Variants in NSFL1C observed in about 807,000 individuals in gnomAD.
NSFL1C encodes NSFL1 cofactor.
A neutral mutation model predicts 43.1 loss-of-function variants in NSFL1C; 14 were observed. That is an observed-to-expected ratio of 0.32 (90% CI 0.21 to 0.51). The LOEUF is 0.51. Among genes scored for constraint, NSFL1C ranks in the 20% least tolerant of loss-of-function variants. NSFL1C has a pLI of 0.98. For missense variants in NSFL1C, 406 were observed against 472.5 expected (o/e 0.86, Z 1.30); for synonymous variants, 171 against 183.5 (o/e 0.93, Z 0.55).
chr20:1,449,648 C>T (rs1272090472), intron 7 of NSFL1C, among the ~76,000 whole-genome samples: 7 of 152,070 alleles, frequency 4.6e-5, no homozygotes, highest in Non-Finnish European at 7.4e-5. Context: ...TTAGAGCAGA[C>T]GTCTATAAAT....
intron 4 of NSFL1C, 24 bp from the exon 5 acceptor site, chr20:1,454,329 AT>A: frequency 6.5e-7 from 1 of 1,548,192 alleles, no homozygotes. Context: ...GTTCATACAC[AT>A]TTAAGGGGTT....
In NSFL1C at chr20:1,460,952, T is replaced by C. The variant is rs752464907; in HGVS notation, c.204-2678A>G. Reference sequence around the variant, plus strand: ...GGGGTGGGAGGTGCTGGCAGGGAGGTAGCATGTGGCAGCAGAAGCAGCTTT... The same window carrying C: ...GGGGTGGGAGGTGCTGGCAGGGAGGCAGCATGTGGCAGCAGAAGCAGCTTT... On this transcript the variant is annotated intron_variant, in intron 2 of 8. Coordinates refer to ENST00000216879, the MANE Select transcript of NSFL1C (RefSeq NM_016143.5). Among the ~76,000 whole-genome samples the C allele has an allele frequency of 2.8e-4, 43 of 151,946 alleles. 1 individual carries two copies. The highest frequency in any genetic ancestry group is 5.2e-4 in the Non-Finnish European group (35 of 67,956).
intron 3 of NSFL1C, chr20:1,457,848 C>T (rs1367746329): frequency 4.8e-6 from 1 of 208,396 alleles, no homozygotes; most frequent in Admixed American, 5.4e-5. Flanking sequence ...TTATGCTGAT[C>T]CATAACTTCG....
rs1231653972 is a variant in NSFL1C at position 1,463,945 on chromosome 20, G to C, written c.203+384C>G. On this transcript the variant is annotated intron_variant, in intron 2 of 8. Transcript: ENST00000216879. ...GTACAAGACTTCTTAATAAGGTAAC[G>C]GGCATCCTAAAATATCAAAACAGCT... 2.6e-5 allele frequency: 5 copies of C among 188,734 alleles called. No homozygotes were observed. In the East Asian group the frequency reaches 6.8e-4, roughly 26 times the overall value. 11.7% of individuals were successfully genotyped at this position (188,734 alleles called of 1,614,324 possible). A position where few individuals can be genotyped will look rare whatever the true frequency, so the allele number is the denominator to read the frequency against.
chr20:1,444,389 G>T (rs971498405), intron 8 of NSFL1C, among the ~76,000 whole-genome samples: 1 of 152,172 alleles, frequency 6.6e-6, no homozygotes, highest in Non-Finnish European at 1.5e-5. Context: ...GTCTCCTCCT[G>T]CAGCTCATGA....
intron 2 of NSFL1C, among the ~76,000 whole-genome samples, chr20:1,458,494 T>C (rs2090348256): frequency 6.6e-6 from 1 of 152,118 alleles, no homozygotes; most frequent in African/African-American, 2.4e-5. Flanking sequence ...GAAAGTCCTA[T>C]CATGAGGTAA....
chr20:1,452,275 T>C (rs890482503), intron 7 of NSFL1C, among the ~76,000 whole-genome samples: 2 of 152,240 alleles, frequency 1.3e-5, no homozygotes, highest in African/African-American at 4.8e-5. Context: ...TGAGGCTATA[T>C]AGTCCAAGGT....
chr20:1,458,309 G>T, intron 2 of NSFL1C, 35 bp from the exon 3 acceptor site: 1 of 1,573,454 alleles, frequency 6.4e-7, no homozygotes, highest in Non-Finnish European at 8.7e-7. Flanking sequence ...TGATCTCAGG[G>T]AGCATTAAGA....
chr20:1,466,697 C>A, intron 1 of NSFL1C, 23 bp downstream of exon 1: 1 of 1,534,286 alleles, frequency 6.5e-7, no homozygotes, highest in Non-Finnish European at 8.7e-7. Context: ...GCCCACCCGA[C>A]ACAGCCCGCC....
In NSFL1C at chr20:1,442,808, C is replaced by G. The variant is rs992511312; in HGVS notation, c.*941G>C. 3 of 152,266 alleles carry G rather than the reference C, an allele frequency of 2.0e-5. No individual in the cohort carries two copies. The highest frequency in any genetic ancestry group is 2.4e-5 in the African/African-American group (1 of 41,456). 9.4% of individuals were successfully genotyped at this position (152,266 alleles called of 1,614,324 possible). ...TGACAGGTGCTTGTAGCACAGAAAA[C>G]TCACCCCTTCTTCAACAGTTGATTT... On this transcript the variant is annotated 3_prime_UTR_variant, in exon 9 of 9. Transcript: ENST00000216879.
chr20:1,464,340 G>T lies in NSFL1C; in HGVS notation c.192C>A (p.Gly64=). 1 of 1,614,098 alleles carries T rather than the reference G, an allele frequency of 6.2e-7. No homozygotes were observed. The highest frequency in any genetic ancestry group is 2.2e-5 in the East Asian group (1 of 44,882). Residue 64 remains glycine (G), a synonymous_variant, in exon 2 of 9, where the codon GGC becomes GGA. Coordinates refer to ENST00000216879, the MANE Select transcript of NSFL1C (RefSeq NM_016143.5). Reference sequence around the variant, plus strand: ...AAGCTGGCCCTTACCTGGGGGCTGTGCCTCTGGACACTGAACTGGGGGTTG... The same window carrying T: ...AAGCTGGCCCTTACCTGGGGGCTGTTCCTCTGGACACTGAACTGGGGGTTG... ...SQATPSSVSR[G]TAPSDNRVTS...
intron 4 of NSFL1C, 150 bp from the exon 5 acceptor site, chr20:1,454,455 T>C: frequency 1.6e-6 from 1 of 618,480 alleles, no homozygotes. Flanking sequence ...CTTTCTCTGA[T>C]ATCAGACTCA....
chr20:1,451,442 G>A (rs2090178837), intron 7 of NSFL1C, among the ~76,000 whole-genome samples: 1 of 152,228 alleles, frequency 6.6e-6, no homozygotes, highest in South Asian at 2.1e-4. Flanking sequence ...TAGAAAGGAT[G>A]TCTCATTGTG....
At chr20:1,447,252 T>G (rs1331077233) in intron 7 of NSFL1C, among the ~76,000 whole-genome samples, 1 of 152,146 alleles carries the variant, frequency 6.6e-6, no homozygotes, top group Admixed American at 6.5e-5. Context: ...GACACTACGA[T>G]AGGCCACAAG....
chr20:1,446,087 G>A lies in NSFL1C; in HGVS notation c.786-257C>T, dbSNP rs192896856. ...CCTGAGTAATGTGGGCAAGTTACTC[G>A]GCCTTTTTCCTCCTTGGTGTCTTCA... On this transcript the variant is annotated intron_variant, in intron 7 of 8. Coordinates refer to ENST00000216879, the MANE Select transcript of NSFL1C (RefSeq NM_016143.5). The A allele has an allele frequency of 1.2e-3, 641 of 549,954 alleles. 2 individuals carry two copies. Among genetic ancestry groups the A allele is most frequent in the Non-Finnish European group, 1.8e-3 (543 of 303,414 alleles). The allele number at this position is 549,954 out of a possible 1,614,324, so 34.1% of individuals were successfully genotyped here.
chr20:1,451,667 A>G (rs557543184), intron 7 of NSFL1C, among the ~76,000 whole-genome samples: 1 of 152,334 alleles, frequency 6.6e-6, no homozygotes, highest in Non-Finnish European at 1.5e-5. Flanking sequence ...CCCCATGGCC[A>G]TGGCCAAAGC....
At chr20:1,452,372 A>T in intron 7 of NSFL1C, 121 bp downstream of exon 7, 1 of 1,313,720 alleles carries the variant, frequency 7.6e-7, no homozygotes, top group Non-Finnish European at 1.0e-6. Context: ...CCATACAAAT[A>T]AAATTTGAAG....
In NSFL1C at chr20:1,445,660, AG is replaced by A; in HGVS notation, c.950+5del. 6.2e-7 allele frequency: 1 copy of A among 1,612,064 alleles called. No homozygotes were observed. The highest frequency in any genetic ancestry group is 8.5e-7 in the Non-Finnish European group (1 of 1,179,732). ...AGAATAAGCTAGGCCACACAATGCA[AG>A]GTACCTGTGGCTGTGGTTAAATTTC... On this transcript the variant is annotated splice_donor_5th_base_variant and intron_variant, in intron 8 of 8. Transcript: ENST00000216879.
chr20:1,442,959 AT>A lies in NSFL1C; in HGVS notation c.*789del, dbSNP rs2089980242. 6.6e-6 allele frequency: 1 copy of A among 152,278 alleles called. No homozygotes were observed. The highest frequency in any genetic ancestry group is 2.1e-4 in the South Asian group (1 of 4,828). 9.4% of individuals were successfully genotyped at this position (152,278 alleles called of 1,614,324 possible). A position where few individuals can be genotyped will look rare whatever the true frequency, so the allele number is the denominator to read the frequency against. On this transcript the variant is annotated 3_prime_UTR_variant, in exon 9 of 9. Coordinates refer to ENST00000216879, the MANE Select transcript of NSFL1C (RefSeq NM_016143.5). ...ATGAGCTGTATCCTAGTGAAAAAAA[AT>A]ATCCCACCTACCTCCTAGGTCCACT... is the stretch of plus-strand genomic sequence containing the variant.
Sources: gnomAD v4.1 joint callset for allele counts (sites outside exome capture counted in the v4.1 genomes callset) on GRCh38, gnomAD v4.1.1 for gene constraint, MANE v1.5 for transcripts, NCBI Gene and HGNC (gene_info 2026-07-23, HGNC 2026-07-21) for gene names.